Variants in PTPRD observed in about 807,000 individuals in gnomAD.
PTPRD encodes the protein protein tyrosine phosphatase receptor type D.
In PTPRD, 34 loss-of-function variants were observed where a neutral mutation model predicts 214.5. The ratio of observed to expected loss-of-function variants is 0.16; its 90% CI spans 0.12 to 0.21. The LOEUF is 0.21. Ranked by LOEUF, PTPRD falls within the 10% of genes least tolerant of loss-of-function variation. The pLI, the probability that PTPRD is intolerant of heterozygous loss-of-function variation, is 1.00. For synonymous variants in PTPRD, 1,128 were observed against 845.7 expected, an observed-to-expected ratio of 1.33 and a Z score of -5.79; for missense variants, 2,545 against 2,398.7, an observed-to-expected ratio of 1.06 and a Z score of -1.27.
chr9:9,222,885 G>A (rs2099957081), intron 9 of PTPRD, among the ~76,000 whole-genome samples: 1 of 151,928 alleles, frequency 6.6e-6, no homozygotes, highest in Non-Finnish European at 1.5e-5. Context: ...ATTTATGCCA[G>A]AACTCTTAAT....
chr9:9,795,619 C>A (rs145847035), intron 5 of PTPRD, among the ~76,000 whole-genome samples: 12 of 152,188 alleles, frequency 7.9e-5, no homozygotes, highest in African/African-American at 2.9e-4. Context: ...ATAAACATGT[C>A]ATTAACCTTT....
chr9:9,645,136 C>T (rs1028131568), intron 7 of PTPRD, among the ~76,000 whole-genome samples: 1 of 152,212 alleles, frequency 6.6e-6, no homozygotes, highest in Non-Finnish European at 1.5e-5. Context: ...TCCCTGGCTC[C>T]TGCACCTGCT....
chr9:10,261,718 C>A (rs1782574079), intron 3 of PTPRD, among the ~76,000 whole-genome samples: 2 of 152,070 alleles, frequency 1.3e-5, no homozygotes, highest in African/African-American at 4.8e-5. Context: ...CATGGTTTAA[C>A]AGAGTAAGAA....
At chr9:8,906,177 A>G (rs1407079466) in intron 11 of PTPRD, among the ~76,000 whole-genome samples, 2 of 152,314 alleles carry the variant, frequency 1.3e-5, no homozygotes, top group East Asian at 3.9e-4. Context: ...TGATAATTTT[A>G]TCCTTTTGAG....
intron 27 of PTPRD, among the ~76,000 whole-genome samples, 188 bp downstream of exon 27, chr9:8,492,674 T>G (rs1033056542): frequency 3.3e-5 from 5 of 149,548 alleles, no homozygotes; most frequent in Non-Finnish European, 7.4e-5. Flanking sequence ...GGACAAATTA[T>G]GCACTTGGAC....
intron 3 of PTPRD, among the ~76,000 whole-genome samples, chr9:10,063,795 T>C (rs926672559): frequency 6.6e-6 from 1 of 152,002 alleles, no homozygotes; most frequent in African/African-American, 2.4e-5. Context: ...GTAACTGGAC[T>C]GTGAAACATC....
chr9:9,894,759 T>C (rs1031432060), intron 5 of PTPRD, among the ~76,000 whole-genome samples: 1 of 152,120 alleles, frequency 6.6e-6, no homozygotes, highest in South Asian at 2.1e-4. Context: ...ATTTAATTTG[T>C]TCTCAGTATT....
At chr9:9,199,231 G>A (rs540048078) in intron 9 of PTPRD, among the ~76,000 whole-genome samples, 3 of 152,252 alleles carry the variant, frequency 2.0e-5, no homozygotes, top group African/African-American at 7.2e-5. Context: ...TTAAGGAAGG[G>A]CTCTATACTA....
At chr9:9,958,345 C>A (rs1195745511) in intron 4 of PTPRD, among the ~76,000 whole-genome samples, 1 of 152,130 alleles carries the variant, frequency 6.6e-6, no homozygotes, top group African/African-American at 2.4e-5. Context: ...GCCTGACCAA[C>A]ATGGTGAAAC....
At chr9:10,475,011 A>G (rs1223004410) in intron 2 of PTPRD, among the ~76,000 whole-genome samples, 1 of 152,190 alleles carries the variant, frequency 6.6e-6, no homozygotes, top group Non-Finnish European at 1.5e-5. Context: ...GTATAGTACT[A>G]AATGTCCACA....
intron 9 of PTPRD, among the ~76,000 whole-genome samples, chr9:9,312,399 A>T (rs1462681564): frequency 6.6e-6 from 1 of 152,210 alleles, no homozygotes; most frequent in Non-Finnish European, 1.5e-5. Context: ...ATTGTACAGC[A>T]TGTCTTTGAA....
chr9:8,392,743 T>A (rs973040633), intron 36 of PTPRD, among the ~76,000 whole-genome samples: 1 of 152,120 alleles, frequency 6.6e-6, no homozygotes, highest in Admixed American at 6.5e-5. Context: ...ACATTTCAGG[T>A]AAGTTCTCTC....
chr9:8,957,754 C>A (rs1020403457), intron 11 of PTPRD, among the ~76,000 whole-genome samples: 1 of 151,834 alleles, frequency 6.6e-6, no homozygotes, highest in Non-Finnish European at 1.5e-5. Context: ...GATTAAATGG[C>A]ACAGAGCTTA....
At chr9:9,930,857 G>A (rs1465267650) in intron 5 of PTPRD, among the ~76,000 whole-genome samples, 1 of 151,694 alleles carries the variant, frequency 6.6e-6, no homozygotes, top group Non-Finnish European at 1.5e-5. Flanking sequence ...TTTCTGTATG[G>A]TTACCCTTGA....
At chr9:10,333,142 C>G (rs1023739415) in intron 3 of PTPRD, among the ~76,000 whole-genome samples, 1 of 151,672 alleles carries the variant, frequency 6.6e-6, no homozygotes, top group Non-Finnish European at 1.5e-5. Context: ...AGTGAGTGAA[C>G]AGTAAGTGGA....
intron 10 of PTPRD, among the ~76,000 whole-genome samples, chr9:9,138,541 T>G (rs1327597628): frequency 1.3e-5 from 2 of 150,638 alleles, no homozygotes; most frequent in African/African-American, 5.0e-5. Flanking sequence ...ATTTACCCAT[T>G]TCTTTCACTT....
intron 7 of PTPRD, among the ~76,000 whole-genome samples, chr9:9,650,215 C>T (rs539846147): frequency 3.9e-5 from 6 of 152,270 alleles, no homozygotes; most frequent in Non-Finnish European, 7.4e-5. Context: ...ATGTGCCTTG[C>T]TTCCCCATTG....
chr9:8,722,136 TGTG>T, intron 12 of PTPRD, among the ~76,000 whole-genome samples: 1 of 127,098 alleles, frequency 7.9e-6, no homozygotes, highest in African/African-American at 5.1e-5. Context: ...TGTGTGTGTG[TGTG>T]TGTGTGTGTG....
chr9:9,390,106 T>C (rs1244341294), intron 9 of PTPRD, among the ~76,000 whole-genome samples: 1 of 152,098 alleles, frequency 6.6e-6, no homozygotes, highest in African/African-American at 2.4e-5. Flanking sequence ...GCACTCCAGG[T>C]ACAGAGAGCA....
Sources: allele counts gnomAD v4.1 joint callset (sites outside exome capture counted in the v4.1 genomes callset), GRCh38; gene constraint gnomAD v4.1.1; transcripts MANE v1.5; gene names NCBI Gene and HGNC (gene_info 2026-07-23, HGNC 2026-07-21).